FAR2: variants seen among roughly 807,000 people sequenced by gnomAD.
The protein encoded by FAR2 is fatty acyl-CoA reductase 2.
FAR2 carries 19 observed loss-of-function variants against 56.0 expected under a neutral mutation model. The observed-to-expected ratio is 0.34, with a 90% CI of 0.24 to 0.50. The LOEUF is 0.50. Ranked by LOEUF, FAR2 falls within the 20% of genes least tolerant of loss-of-function variation. The pLI is 0.98. For synonymous variants in FAR2, 219 were observed against 218.8 expected (o/e 1.00, Z -0.01); for missense variants, 508 against 642.2 (o/e 0.79, Z 2.26).
intron 4 of FAR2, among the ~76,000 whole-genome samples, chr12:29,298,979 C>T (rs1460452302): frequency 1.3e-5 from 2 of 151,852 alleles, no homozygotes; most frequent in Non-Finnish European, 2.9e-5. Flanking sequence ...TTTGGGAGGC[C>T]GAGGTGGGTG....
At chr12:29,299,763 C>T (rs1409377654) in intron 4 of FAR2, among the ~76,000 whole-genome samples, 5 of 151,468 alleles carry the variant, frequency 3.3e-5, no homozygotes, top group African/African-American at 4.9e-5. Flanking sequence ...GAAGTAAGGC[C>T]TTCCCTCCTC....
At chr12:29,238,698 G>T (rs1312139301) in intron 1 of FAR2, among the ~76,000 whole-genome samples, 1 of 152,104 alleles carries the variant, frequency 6.6e-6, no homozygotes, top group Non-Finnish European at 1.5e-5. Flanking sequence ...CGAGAAAAAT[G>T]TAATTTATTT....
intron 6 of FAR2, among the ~76,000 whole-genome samples, chr12:29,310,363 C>T (rs1949326921): frequency 6.6e-6 from 1 of 152,228 alleles, no homozygotes; most frequent in Non-Finnish European, 1.5e-5. Context: ...ATGCAAAGCA[C>T]AAAGAATCAA....
chr12:29,167,707 A>G (rs1949842351), intron 1 of FAR2, among the ~76,000 whole-genome samples: 1 of 152,248 alleles, frequency 6.6e-6, no homozygotes, highest in Admixed American at 6.5e-5. Context: ...GAGTTGTCAT[A>G]TAAATACTAC....
intron 1 of FAR2, among the ~76,000 whole-genome samples, chr12:29,264,937 A>G (rs903319861): frequency 6.6e-6 from 1 of 152,140 alleles, no homozygotes; most frequent in African/African-American, 2.4e-5. Flanking sequence ...GTAGCTACAA[A>G]TAAAAAATTA....
intron 1 of FAR2, among the ~76,000 whole-genome samples, chr12:29,224,869 A>G (rs1438785471): frequency 1.3e-5 from 2 of 152,230 alleles, no homozygotes; most frequent in African/African-American, 4.8e-5. Context: ...CCAAGTGAAT[A>G]TTAATTGCCT....
At chr12:29,302,534 G>C (rs1423089080) in intron 4 of FAR2, among the ~76,000 whole-genome samples, 1 of 152,182 alleles carries the variant, frequency 6.6e-6, no homozygotes, top group Non-Finnish European at 1.5e-5. Flanking sequence ...GTTACGTGTA[G>C]GGAAGAAGTT....
At chr12:29,302,929 A>G (rs904480037) in intron 4 of FAR2, among the ~76,000 whole-genome samples, 3 of 152,162 alleles carry the variant, frequency 2.0e-5, no homozygotes, top group Admixed American at 1.3e-4. Context: ...TGCTTTGCAT[A>G]TGGGGTTGCA....
At position 29,295,756 on chromosome 12, in the gene FAR2, A is replaced by ATTTT. The variant is rs61390530; in HGVS notation, c.366-1245_366-1242dup. On this transcript the variant is annotated intron_variant, in intron 3 of 11. Transcript: ENST00000536681. Reference sequence around the variant, plus strand: ...CAAGCAGCTAGTGATTTTTTACGTAATTTTTTTTTTTTTTTTTTTTTTTGA... The same window carrying ATTTT: ...CAAGCAGCTAGTGATTTTTTACGTAATTTTTTTTTTTTTTTTTTTTTTTTTTTGA... Among the ~76,000 whole-genome samples the ATTTT allele has an allele frequency of 9.5e-3, 839 of 88,340 alleles. 14 individuals carry two copies. The highest frequency in any genetic ancestry group is 0.024 in the South Asian group (58 of 2,374). 58.0% of individuals were successfully genotyped at this position (88,340 alleles called of 152,430 possible).
chr12:29,186,717 C>T (rs912792653), intron 1 of FAR2, among the ~76,000 whole-genome samples: 2 of 151,770 alleles, frequency 1.3e-5, no homozygotes, highest in African/African-American at 4.8e-5. Flanking sequence ...AAGTTTCTAG[C>T]CCTTCTTGTT....
intron 1 of FAR2, among the ~76,000 whole-genome samples, chr12:29,227,980 G>A (rs568965231): frequency 2.0e-5 from 3 of 151,968 alleles, no homozygotes; most frequent in South Asian, 4.2e-4. Context: ...GGGGCCTATC[G>A]TGGGGTGGGG....
At chr12:29,150,310 A>T (rs11050082) in intron 1 of FAR2, among the ~76,000 whole-genome samples, 27,190 of 152,142 alleles carry the variant, frequency 0.18, 2,544 homozygotes, top group Non-Finnish European at 0.21. Context: ...GGTGTGAGCA[A>T]CCAAGGTTAT....
intron 1 of FAR2, among the ~76,000 whole-genome samples, chr12:29,153,025 T>G (rs1054214584): frequency 6.6e-6 from 1 of 152,242 alleles, no homozygotes; most frequent in African/African-American, 2.4e-5. Flanking sequence ...GATAAGTCTG[T>G]AACAGAAATT....
intron 2 of FAR2, among the ~76,000 whole-genome samples, chr12:29,272,041 G>A (rs1387510214): frequency 6.6e-6 from 1 of 152,160 alleles, no homozygotes; most frequent in African/African-American, 2.4e-5. Context: ...CCAAAACCTA[G>A]AATAAATTCC....
intron 1 of FAR2, among the ~76,000 whole-genome samples, chr12:29,224,061 G>A (rs969290055): frequency 6.6e-6 from 1 of 152,126 alleles, no homozygotes. Context: ...CTAAGAAATC[G>A]ATGACTAATT....
At chr12:29,299,090 G>A (rs1226748233) in intron 4 of FAR2, among the ~76,000 whole-genome samples, 2 of 151,862 alleles carry the variant, frequency 1.3e-5, no homozygotes, top group Non-Finnish European at 2.9e-5. Flanking sequence ...GCACATGCCT[G>A]TAATCTCAGC....
chr12:29,188,523 C>G (rs1213858599), intron 1 of FAR2, among the ~76,000 whole-genome samples: 7 of 152,124 alleles, frequency 4.6e-5, no homozygotes, highest in Non-Finnish European at 1.0e-4. Context: ...AAAGATAGTA[C>G]AGAGGGTTTC....
intron 1 of FAR2, among the ~76,000 whole-genome samples, chr12:29,184,466 GC>G (rs1565684916): frequency 9.1e-6 from 1 of 109,462 alleles, no homozygotes; most frequent in African/African-American, 3.6e-5. Context: ...ATGGAGTCTC[GC>G]CCTGTCGCCC....
intron 2 of FAR2, among the ~76,000 whole-genome samples, chr12:29,289,124 G>A (rs1027246167): frequency 6.6e-6 from 1 of 152,028 alleles, no homozygotes; most frequent in Non-Finnish European, 1.5e-5. Context: ...ATCCAAAGCA[G>A]TGTACAGATT....
Sources: allele counts gnomAD v4.1 joint callset (sites outside exome capture counted in the v4.1 genomes callset), GRCh38; gene constraint gnomAD v4.1.1; transcripts MANE v1.5; gene names NCBI Gene and HGNC (gene_info 2026-07-23, HGNC 2026-07-21).